MICAL3: variants seen among roughly 807,000 people sequenced by gnomAD.
MICAL3 encodes the protein microtubule associated monooxygenase, calponin and LIM domain containing 3.
Under a neutral mutation model 207.4 loss-of-function variants are expected in MICAL3, and 62 were observed. The observed-to-expected ratio is 0.30, with a 90% CI of 0.24 to 0.37. The LOEUF is 0.37. MICAL3 is among the 10% of genes least tolerant of loss of function. The pLI is 1.00. For missense variants in MICAL3, 2,368 were observed against 2,635.6 expected, an observed-to-expected ratio of 0.90 and a Z score of 2.22; for synonymous variants, 1,077 against 1,069.3, an observed-to-expected ratio of 1.01 and a Z score of -0.14.
At position 17,861,731 on chromosome 22, in the gene MICAL3, C is replaced by T. The variant is rs1381527236; in HGVS notation, c.2605+3168G>A. 7.1e-6 allele frequency: 7 copies of T among 985,294 alleles called. No individual in the cohort carries two copies. In the South Asian group the frequency reaches 2.3e-4, roughly 33 times the overall value. 61.0% of individuals were successfully genotyped at this position (985,294 alleles called of 1,614,324 possible). A position where few individuals can be genotyped will look rare whatever the true frequency, so the allele number is the denominator to read the frequency against. On this transcript the variant is annotated intron_variant, in intron 19 of 31. Coordinates refer to ENST00000441493, the MANE Select transcript of MICAL3 (RefSeq NM_015241.3). Reference sequence around the variant, plus strand: ...GCAGTAGTAAGTATAAGCTTGGAAACACAGCATTCATAGATTTAAGAACAA... The same window carrying T: ...GCAGTAGTAAGTATAAGCTTGGAAATACAGCATTCATAGATTTAAGAACAA...
intron 1 of MICAL3, among the ~76,000 whole-genome samples, chr22:17,932,382 T>A (rs1363680261): frequency 3.3e-5 from 5 of 152,130 alleles, no homozygotes; most frequent in African/African-American, 1.2e-4. Flanking sequence ...AAACTAAGCT[T>A]CATAAGTGAA....
chr22:17,791,120 C>G (rs753450310), intron 30 of MICAL3, 49 bp from the exon 31 acceptor site: 1 of 1,603,974 alleles, frequency 6.2e-7, no homozygotes, highest in Non-Finnish European at 8.5e-7. Flanking sequence ...CTGGGGACCA[C>G]CCCTCACCCC....
intron 1 of MICAL3, among the ~76,000 whole-genome samples, chr22:17,924,326 C>A (rs1178287546): frequency 6.6e-6 from 1 of 152,208 alleles, no homozygotes. Flanking sequence ...GCGGATCAGG[C>A]ACATCTCACC....
Position 17,886,039 on chromosome 22 carries a change from G to A in MICAL3, c.2080C>T (p.Arg694Trp), listed in dbSNP as rs143872393. Residue 694 changes from arginine (R) to tryptophan (W), a missense_variant, in exon 16 of 32, where the codon CGG becomes TGG. Physicochemically the swap from Arg to Trp is moderately radical, Grantham distance 101. Transcript: ENST00000441493. ...TSQSEEEEAP[R>W]GHRGERPTLV... ...GTCGGTCTTTCTCCTCTGTGGCCCC[G>A]AGGAGCTTCCTCCTGGTCAATGCCA... 204 of 1,613,896 alleles carry A rather than the reference G, an allele frequency of 1.3e-4. 1 individual carries two copies. In the East Asian group the frequency reaches 2.6e-3, roughly 20 times the overall value.
intron 1 of MICAL3, among the ~76,000 whole-genome samples, chr22:18,014,780 TCAGGAGATCGAGA>T (rs1923949599): frequency 6.6e-6 from 1 of 151,730 alleles, no homozygotes; most frequent in African/African-American, 2.4e-5. Flanking sequence ...GAGCACGAGG[TCAGGAGATCGAGA>T]CCATCCTAGC....
chr22:17,942,082 A>G (rs1411319688), intron 1 of MICAL3, among the ~76,000 whole-genome samples: 1 of 152,176 alleles, frequency 6.6e-6, no homozygotes, highest in East Asian at 1.9e-4. Flanking sequence ...GACTTGCCTA[A>G]TCTCGGAGCG....
At position 17,817,543 on chromosome 22, in the gene MICAL3, G is replaced by A; in HGVS notation, c.5118C>T (p.Arg1706=). ...TGGACTTCTTCTCCTTCTTGTTTCT[G>A]CGGGGGGAGAAGAGTGACGACCTCT... ...SKKRSSLFSP[R]RNKKEKKSKG... The change falls in exon 26 of 32, where the codon CGC becomes CGT. Residue 1706 remains arginine, a synonymous_variant. Coordinates refer to ENST00000441493, the MANE Select transcript of MICAL3 (RefSeq NM_015241.3). 3 of 1,613,568 alleles carry A rather than the reference G, an allele frequency of 1.9e-6. No homozygotes were observed. Among genetic ancestry groups the A allele is most frequent in the Non-Finnish European group, 2.5e-6 (3 of 1,179,814 alleles).
intron 16 of MICAL3, among the ~76,000 whole-genome samples, chr22:17,874,993 G>A (rs1398872133): frequency 6.6e-6 from 1 of 152,234 alleles, no homozygotes; most frequent in Non-Finnish European, 1.5e-5. Context: ...CGCTACTTCA[G>A]GTGACAGCCG....
chr22:17,851,948 G>A (rs906974018), intron 19 of MICAL3, among the ~76,000 whole-genome samples: 1 of 152,198 alleles, frequency 6.6e-6, no homozygotes, highest in African/African-American at 2.4e-5. Context: ...ACATGGGTCA[G>A]CACGAGCAAG....
chr22:17,877,775 G>A (rs1362109898), intron 16 of MICAL3, among the ~76,000 whole-genome samples: 1 of 152,028 alleles, frequency 6.6e-6, no homozygotes, highest in Non-Finnish European at 1.5e-5. Context: ...TCCCCTCTCT[G>A]CACCACAGCC....
At chr22:18,022,006 C>T (rs1167937004) in intron 1 of MICAL3, among the ~76,000 whole-genome samples, 1 of 152,162 alleles carries the variant, frequency 6.6e-6, no homozygotes, top group Non-Finnish European at 1.5e-5. Context: ...GAAGTTCTGG[C>T]ACCAGGTGGG....
intron 25 of MICAL3, among the ~76,000 whole-genome samples, 198 bp downstream of exon 25, chr22:17,821,229 C>A (rs991585408): frequency 6.6e-6 from 1 of 151,994 alleles, no homozygotes; most frequent in Non-Finnish European, 1.5e-5. Context: ...ACTCCAAGGC[C>A]ACTCCTGTCA....
intron 19 of MICAL3, among the ~76,000 whole-genome samples, chr22:17,846,963 A>G (rs543061554): frequency 3.3e-5 from 5 of 152,318 alleles, no homozygotes; most frequent in African/African-American, 1.2e-4. Context: ...AGCTCCACAC[A>G]TCATTCTGGA....
intron 29 of MICAL3, among the ~76,000 whole-genome samples, chr22:17,804,735 C>T (rs985142318): frequency 1.1e-4 from 16 of 152,296 alleles, no homozygotes; most frequent in African/African-American, 3.9e-4. Flanking sequence ...ATGGTGTTGC[C>T]CTCTCTCCAA....
At chr22:17,965,998 T>C (rs1331079756) in intron 1 of MICAL3, among the ~76,000 whole-genome samples, 1 of 152,056 alleles carries the variant, frequency 6.6e-6, no homozygotes, top group Admixed American at 6.5e-5. Context: ...GAAGAAATAA[T>C]ACTGGGCCAC....
intron 1 of MICAL3, among the ~76,000 whole-genome samples, chr22:17,941,538 C>G (rs942161325): frequency 6.6e-6 from 1 of 152,186 alleles, no homozygotes; most frequent in Non-Finnish European, 1.5e-5. Flanking sequence ...AAAGTAGAAA[C>G]AGGTTGAGCT....
intron 1 of MICAL3, among the ~76,000 whole-genome samples, chr22:18,009,861 C>A (rs1923611112): frequency 1.3e-5 from 1 of 79,726 alleles, no homozygotes; most frequent in Non-Finnish European, 2.4e-5. Context: ...AGAGTGGGAC[C>A]CTGTCTTTAA....
chr22:17,936,762 A>C (rs141208022), intron 1 of MICAL3, among the ~76,000 whole-genome samples: 1 of 152,212 alleles, frequency 6.6e-6, no homozygotes, highest in South Asian at 2.1e-4. Flanking sequence ...TATTGTAAAA[A>C]GAAATTACCA....
chr22:17,960,757 G>A (rs1934871892), intron 1 of MICAL3, among the ~76,000 whole-genome samples: 1 of 152,132 alleles, frequency 6.6e-6, no homozygotes, highest in Admixed American at 6.5e-5. Flanking sequence ...ACCCAGGGGG[G>A]CCCGCAAAGT....
Sources: gnomAD v4.1 joint callset for allele counts (sites outside exome capture counted in the v4.1 genomes callset) on GRCh38, gnomAD v4.1.1 for gene constraint, MANE v1.5 for transcripts, NCBI Gene and HGNC (gene_info 2026-07-23, HGNC 2026-07-21) for gene names.